Variants in YWHAB observed in about 807,000 individuals in gnomAD.
The protein encoded by YWHAB is tyrosine 3-monooxygenase/tryptophan 5-monooxygenase activation protein beta.
In YWHAB, 2 loss-of-function variants were observed where a neutral mutation model predicts 28.5. That is an observed-to-expected ratio of 0.07 (90% CI 0.03 to 0.22). The LOEUF is 0.22. YWHAB is among the 10% of genes least tolerant of loss of function. YWHAB has a pLI of 1.00. For synonymous variants in YWHAB, 103 were observed against 104.7 expected, an observed-to-expected ratio of 0.98 and a Z score of 0.10; for missense variants, 148 against 297.1, an observed-to-expected ratio of 0.50 and a Z score of 3.69.
At chr20:44,894,541 T>C (rs2066584334) in intron 1 of YWHAB, among the ~76,000 whole-genome samples, 1 of 152,214 alleles carries the variant, frequency 6.6e-6, no homozygotes, top group Non-Finnish European at 1.5e-5. Flanking sequence ...TAACTATCTG[T>C]ACAAGATTAA....
chr20:44,901,472 G>A (rs73108228), intron 1 of YWHAB, 59 bp from the exon 2 acceptor site: 31 of 1,501,818 alleles, frequency 2.1e-5, no homozygotes, highest in Non-Finnish European at 2.7e-5. Context: ...ATTCACACAC[G>A]TTTCCTAGGC....
At chr20:44,904,850 A>G (rs2145540509) in intron 3 of YWHAB, 118 bp from the exon 4 acceptor site, 2 of 998,646 alleles carry the variant, frequency 2.0e-6, no homozygotes, top group Middle Eastern at 6.5e-4. Context: ...CTGACACTTC[A>G]TTTGATAGGT....
chr20:44,905,185 T>C, intron 4 of YWHAB, 54 bp downstream of exon 4: 1 of 1,524,790 alleles, frequency 6.6e-7, no homozygotes. Flanking sequence ...CTTGTGTTAT[T>C]AACTTCATTT....
chr20:44,899,512 A>G (rs549159303), intron 1 of YWHAB, among the ~76,000 whole-genome samples: 1 of 152,320 alleles, frequency 6.6e-6, no homozygotes, highest in South Asian at 2.1e-4. Context: ...AAAAAACCTG[A>G]CATTACTACT....
In YWHAB at chr20:44,908,267, T is replaced by C. The variant is rs1362961159; in HGVS notation, c.*1829T>C. The stretch of plus-strand genomic sequence containing the variant: ...AGTAGTGAATGTGGAACCAAGCCTG[T>C]CTGTATATCTGGTAGCTCTTTTCTT... On this transcript the variant is annotated 3_prime_UTR_variant, in exon 6 of 6. Transcript: ENST00000353703. 6.6e-6 allele frequency: 1 copy of C among 152,656 alleles called. No individual in the cohort carries two copies. The highest frequency in any genetic ancestry group is 1.9e-4 in the East Asian group (1 of 5,202). The allele number at this position is 152,656 out of a possible 1,614,324, so 9.5% of individuals were successfully genotyped here. A position where few individuals can be genotyped will look rare whatever the true frequency, so the allele number is the denominator to read the frequency against.
At chr20:44,896,238 A>G (rs1389470435) in intron 1 of YWHAB, among the ~76,000 whole-genome samples, 1 of 152,212 alleles carries the variant, frequency 6.6e-6, no homozygotes, top group Non-Finnish European at 1.5e-5. Flanking sequence ...TACTTAACCC[A>G]TTATGAACAA....
intron 5 of YWHAB, 130 bp from the exon 6 acceptor site, chr20:44,906,252 A>G: frequency 8.5e-7 from 1 of 1,170,876 alleles, no homozygotes; most frequent in Non-Finnish European, 1.2e-6. Flanking sequence ...TGACCTTTGC[A>G]ATCATCCCTG....
In YWHAB at chr20:44,894,846, A is replaced by C. The variant is rs372054638; in HGVS notation, c.-3-6685A>C. ...ATAGTGGCACATTGCGCTGTGACAC[A>C]CAGTCCTGCTGCCTTCCGACTATAC... On this transcript the variant is annotated intron_variant, in intron 1 of 5. Transcript: ENST00000353703. Among the ~76,000 whole-genome samples the C allele has an allele frequency of 1.8e-4, 27 of 152,354 alleles. 1 individual carries two copies. The highest frequency in any genetic ancestry group is 6.5e-4 in the African/African-American group (27 of 41,580).
chr20:44,903,203 T>TA, intron 2 of YWHAB: 1 of 557,924 alleles, frequency 1.8e-6, no homozygotes, highest in Non-Finnish European at 2.3e-6. Flanking sequence ...GGCAACGTGT[T>TA]AAGCGCTTTA....
chr20:44,886,394 G>GGAA (rs1259283647), intron 1 of YWHAB: 2 of 152,214 alleles, frequency 1.3e-5, no homozygotes, highest in Non-Finnish European at 2.9e-5. Flanking sequence ...CAGCAGTGGG[G>GGAA]GAACCCCCTC....
intron 1 of YWHAB, among the ~76,000 whole-genome samples, chr20:44,897,164 T>G (rs2066600706): frequency 6.6e-6 from 1 of 152,338 alleles, no homozygotes; most frequent in Non-Finnish European, 1.5e-5. Context: ...GATTTAACTT[T>G]TAATCCTTGA....
At position 44,906,114 on chromosome 20, in the gene YWHAB, A is replaced by G. The variant is rs1385643733; in HGVS notation, c.684+18A>G. On this transcript the variant is annotated intron_variant, in intron 5 of 5. Transcript: ENST00000353703. Reference sequence around the variant, plus strand: ...ATCTCACTGTAAGTACTACTTCCACAGGGTTTATAGTCTCTTTCCTATTCA... The same window carrying G: ...ATCTCACTGTAAGTACTACTTCCACGGGGTTTATAGTCTCTTTCCTATTCA... The G allele has an allele frequency of 3.2e-6, 5 of 1,574,404 alleles. No homozygotes were observed. Among genetic ancestry groups the G allele is most frequent in the Non-Finnish European group, 3.5e-6 (4 of 1,146,040 alleles).
At chr20:44,891,937 T>C (rs944179238) in intron 1 of YWHAB, among the ~76,000 whole-genome samples, 1 of 152,210 alleles carries the variant, frequency 6.6e-6, no homozygotes, top group African/African-American at 2.4e-5. Context: ...ACACAGACAG[T>C]TTTATAGTGG....
At position 44,901,471 on chromosome 20, in the gene YWHAB, C is replaced by T. The variant is rs892577496; in HGVS notation, c.-3-60C>T. 2.4e-5 allele frequency: 36 copies of T among 1,489,790 alleles called. 1 individual carries two copies. The African/African-American group carries it at 3.8e-4, about 16-fold the overall frequency. 92.3% of individuals were successfully genotyped at this position (1,489,790 alleles called of 1,614,324 possible). A position where few individuals can be genotyped will look rare whatever the true frequency, so the allele number is the denominator to read the frequency against. ...GATGGGTTGGAAGAAGATTCACACA[C>T]GTTTCCTAGGCCCCGAAACCTGACA... On this transcript the variant is annotated intron_variant, in intron 1 of 5. Transcript: ENST00000353703.
At chr20:44,900,190 G>A (rs1439381925) in intron 1 of YWHAB, among the ~76,000 whole-genome samples, 1 of 151,994 alleles carries the variant, frequency 6.6e-6, no homozygotes, top group Non-Finnish European at 1.5e-5. Flanking sequence ...TGGGACTACA[G>A]GTGCACACCA....
chr20:44,887,494 C>T (rs1324755701), intron 1 of YWHAB: 1 of 152,216 alleles, frequency 6.6e-6, no homozygotes, highest in Non-Finnish European at 1.5e-5. Context: ...TTGCCAGCCC[C>T]TGGAGTATGA....
chr20:44,906,339 CT>C lies in YWHAB; in HGVS notation c.685-39del, dbSNP rs758539031. 3.8e-5 allele frequency: 61 copies of C among 1,606,412 alleles called. No homozygotes were observed. In the African/African-American group the frequency reaches 7.8e-4, roughly 20 times the overall value. ...CATACTGGGCCACTTACCTAGGGAA[CT>C]TTTAGTAGCCCTGCTTTGATTATAC... On this transcript the variant is annotated intron_variant, in intron 5 of 5. Coordinates refer to ENST00000353703, the MANE Select transcript of YWHAB (RefSeq NM_139323.4).
chr20:44,886,099 C>G (rs987396154), intron 1 of YWHAB: 2 of 152,252 alleles, frequency 1.3e-5, no homozygotes, highest in Non-Finnish European at 2.9e-5. Flanking sequence ...TGGAGAGGCT[C>G]GGGCCGCCTG....
intron 1 of YWHAB, among the ~76,000 whole-genome samples, chr20:44,899,375 G>A (rs996469086): frequency 1.3e-5 from 2 of 151,930 alleles, no homozygotes; most frequent in African/African-American, 2.4e-5. Context: ...AGCTACCTGG[G>A]AGGCTAAGGC....
Sources: allele counts gnomAD v4.1 joint callset (sites outside exome capture counted in the v4.1 genomes callset), GRCh38; gene constraint gnomAD v4.1.1; transcripts MANE v1.5; gene names NCBI Gene and HGNC (gene_info 2026-07-23, HGNC 2026-07-21).